Variants in DSCAM observed in about 807,000 individuals in gnomAD.
DSCAM encodes the protein cell adhesion molecule DSCAM.
DSCAM carries 47 observed loss-of-function variants against 217.7 expected under a neutral mutation model. The ratio of observed to expected loss-of-function variants is 0.22; its 90% CI spans 0.17 to 0.28. The LOEUF (loss-of-function observed/expected upper bound fraction) is 0.28, where lower values mean the gene tolerates loss of function less well. DSCAM is among the 10% of genes least tolerant of loss of function. The pLI, the probability that DSCAM is intolerant of heterozygous loss-of-function variation, is 1.00. For missense variants in DSCAM, 2,080 were observed against 2,618.3 expected (o/e 0.79, Z 4.49); for synonymous variants, 1,056 against 1,015.3 (o/e 1.04, Z -0.76).
Position 40,078,715 on chromosome 21 carries a change from G to C in DSCAM, c.4683C>G (p.Ala1561=), listed in dbSNP as rs761194588. 5.9e-5 allele frequency: 96 copies of C among 1,614,014 alleles called. No individual in the cohort carries two copies. In the Admixed American group the frequency reaches 1.6e-3, roughly 26 times the overall value. ...CNSAGCAEKQ[A]NFATLNYDGS... is the part of the protein sequence containing the mutation. ...CATCGTAGTTCAGCGTAGCGAAGTT[G>C]GCCTGCTTCTCCGCGCAGCCCGCAC... Residue 1561 remains alanine (A), a synonymous_variant, in exon 26 of 33, where the codon GCC becomes GCG. Coordinates refer to ENST00000400454, the MANE Select transcript of DSCAM (RefSeq NM_001389.5).
intron 10 of DSCAM, among the ~76,000 whole-genome samples, chr21:40,292,835 C>G (rs538664964): frequency 6.6e-6 from 1 of 152,010 alleles, no homozygotes; most frequent in Non-Finnish European, 1.5e-5. Flanking sequence ...CTCCGCCTCC[C>G]GGGTTCATGC....
intron 9 of DSCAM, among the ~76,000 whole-genome samples, chr21:40,303,444 C>T (rs2074038365): frequency 6.6e-6 from 1 of 152,120 alleles, no homozygotes; most frequent in South Asian, 2.1e-4. Context: ...AAAGCCTTCC[C>T]CTGCCCAGCC....
intron 1 of DSCAM, among the ~76,000 whole-genome samples, chr21:40,786,366 A>G (rs1240793374): frequency 1.2e-4 from 18 of 152,156 alleles, no homozygotes; most frequent in Admixed American, 1.1e-3. Context: ...ATCCACATAT[A>G]AACTTCAGAC....
chr21:40,807,550 C>T (rs1465682629), intron 1 of DSCAM, among the ~76,000 whole-genome samples: 1 of 152,196 alleles, frequency 6.6e-6, no homozygotes, highest in East Asian at 1.9e-4. Context: ...CTGTTCCCTC[C>T]TGATCAGTGA....
At chr21:40,710,759 C>T (rs111315832) in intron 1 of DSCAM, among the ~76,000 whole-genome samples, 2 of 152,254 alleles carry the variant, frequency 1.3e-5, no homozygotes, top group African/African-American at 4.8e-5. Context: ...ATAATGAAGG[C>T]CTACTTGTCA....
intron 10 of DSCAM, among the ~76,000 whole-genome samples, chr21:40,280,935 A>C (rs1042415283): frequency 6.6e-6 from 1 of 152,202 alleles, no homozygotes; most frequent in Non-Finnish European, 1.5e-5. Flanking sequence ...TTCAGTCAAC[A>C]GTCTGAGAAA....
intron 3 of DSCAM, among the ~76,000 whole-genome samples, chr21:40,469,935 C>A (rs368264544): frequency 6.6e-6 from 1 of 152,092 alleles, no homozygotes; most frequent in Non-Finnish European, 1.5e-5. Context: ...GTGGAAAAAA[C>A]GGTTTTAGAA....
At chr21:40,383,904 AT>A in intron 3 of DSCAM, 1 of 152,346 alleles carries the variant, frequency 6.6e-6, no homozygotes, top group African/African-American at 2.4e-5. Flanking sequence ...TAGTTCATGA[AT>A]GACAAAGATT....
rs1158590188 is a variant in DSCAM, at chr21:40,522,997, C to T, written c.509-153752G>A. ...ACATAGTGCAAAGAGCTCTTCACCA[C>T]GGCTCTGGTGATGAAGGCTTTGTAT... is the stretch of plus-strand genomic sequence containing the variant. On this transcript the variant is annotated intron_variant, in intron 3 of 32. Transcript: ENST00000400454. Among the ~76,000 whole-genome samples the T allele has an allele frequency of 3.3e-5, 5 of 152,182 alleles. No homozygotes were observed. In the South Asian group the frequency reaches 6.2e-4, roughly 19 times the overall value.
intron 1 of DSCAM, among the ~76,000 whole-genome samples, chr21:40,739,238 C>T (rs900770178): frequency 1.4e-5 from 1 of 70,466 alleles, no homozygotes; most frequent in Non-Finnish European, 2.7e-5. Context: ...GCACTGTCTG[C>T]AGCAATGCTG....
chr21:40,275,704 G>C (rs940447033), intron 11 of DSCAM, among the ~76,000 whole-genome samples: 2 of 152,146 alleles, frequency 1.3e-5, no homozygotes, highest in African/African-American at 4.8e-5. Context: ...ATGACAAAAG[G>C]CTTTGTAAAG....
chr21:40,831,902 C>T (rs2092014659), intron 1 of DSCAM, among the ~76,000 whole-genome samples: 1 of 152,188 alleles, frequency 6.6e-6, no homozygotes, highest in African/African-American at 2.4e-5. Flanking sequence ...CCCAAAACAA[C>T]TCTTTAAAGA....
At chr21:40,503,582 G>C (rs903145047) in intron 3 of DSCAM, among the ~76,000 whole-genome samples, 1 of 152,148 alleles carries the variant, frequency 6.6e-6, no homozygotes, top group Non-Finnish European at 1.5e-5. Flanking sequence ...CCAACTTCAC[G>C]CTGCACATCC....
At chr21:40,715,124 C>T (rs1192133659) in intron 1 of DSCAM, among the ~76,000 whole-genome samples, 1 of 152,240 alleles carries the variant, frequency 6.6e-6, no homozygotes, top group Non-Finnish European at 1.5e-5. Context: ...ACAATTTACT[C>T]AGTCTGTGTA....
At chr21:40,801,183 C>A (rs2091737568) in intron 1 of DSCAM, among the ~76,000 whole-genome samples, 1 of 152,000 alleles carries the variant, frequency 6.6e-6, no homozygotes, top group African/African-American at 2.4e-5. Context: ...GAACTCCTGA[C>A]CTTGTGATCC....
intron 3 of DSCAM, among the ~76,000 whole-genome samples, chr21:40,491,311 C>T (rs774166664): frequency 1.3e-5 from 2 of 152,090 alleles, no homozygotes; most frequent in Non-Finnish European, 2.9e-5. Flanking sequence ...ACAAATCCTA[C>T]TTATTCTACC....
chr21:40,302,107 C>T (rs1400725005), intron 9 of DSCAM, among the ~76,000 whole-genome samples: 1 of 152,134 alleles, frequency 6.6e-6, no homozygotes, highest in African/African-American at 2.4e-5. Context: ...TTTAGATTTC[C>T]TTTTATTAGT....
chr21:40,035,467 A>G (rs1568902714), intron 32 of DSCAM, among the ~76,000 whole-genome samples: 2 of 130,508 alleles, frequency 1.5e-5, no homozygotes, highest in East Asian at 2.1e-4. Flanking sequence ...AGAGCTAACT[A>G]TCCTAAATAT....
At chr21:40,768,693 A>G (rs9808699) in intron 1 of DSCAM, among the ~76,000 whole-genome samples, 69,653 of 151,974 alleles carry the variant, frequency 0.46, 17,095 homozygotes, top group African/African-American at 0.63. Context: ...TGTAAGGAGC[A>G]CCTCTGCACT....
Sources: gnomAD v4.1 joint callset for allele counts (sites outside exome capture counted in the v4.1 genomes callset) on GRCh38, gnomAD v4.1.1 for gene constraint, MANE v1.5 for transcripts, NCBI Gene and HGNC (gene_info 2026-07-23, HGNC 2026-07-21) for gene names.